Variants in ADPRHL1 observed in about 807,000 individuals in gnomAD.
ADPRHL1 encodes the protein inactive ADP-ribosyltransferase ARH2.
A neutral mutation model predicts 44.1 loss-of-function variants in ADPRHL1; 43 were observed. The observed-to-expected ratio is 0.98, with a 90% CI of 0.76 to 1.26. The LOEUF (loss-of-function observed/expected upper bound fraction) is 1.26. Ranked by LOEUF, ADPRHL1 falls within the 50% of genes most tolerant of loss-of-function variation. ADPRHL1 has a pLI of 0.00. For missense variants in ADPRHL1, 2,022 were observed against 2,496.9 expected (o/e 0.81, Z 4.05); for synonymous variants, 878 against 1,017.4 (o/e 0.86, Z 2.61).
intron 7 of ADPRHL1, among the ~76,000 whole-genome samples, chr13:113,408,865 A>AGGGGAGGAGGGGGGCTGCAGAGAGGC (rs71101586): frequency 1.5e-5 from 2 of 135,636 alleles, no homozygotes; most frequent in African/African-American, 2.7e-5. Flanking sequence ...TGCAGAGAGG[A>AGGGGAGGAGGGGGGCTGCAGAGAGGC]AGGGAGGAGG....
In ADPRHL1 at chr13:113,409,637, C is replaced by T. The variant is rs959198681; in HGVS notation, c.1062-1417G>A. The T allele has an allele frequency of 3.6e-5, 35 of 984,344 alleles. No homozygotes were observed. The highest frequency in any genetic ancestry group is 2.5e-4 in the Admixed American group (4 of 16,240). 61.0% of individuals were successfully genotyped at this position (984,344 alleles called of 1,614,324 possible). ...CCGTGGCTCACGCCTGTAATCTCAGCGTGATTTGGGAGGCCGAGGCTGGCA... is the reference window on the plus strand; with the variant it reads ...CCGTGGCTCACGCCTGTAATCTCAGTGTGATTTGGGAGGCCGAGGCTGGCA... On this transcript the variant is annotated intron_variant, in intron 7 of 7. Transcript: ENST00000612156. The surrounding 1 kb of genome is among the most constrained non-coding windows in gnomAD (Gnocchi z 4.2).
rs548071064 is a variant in ADPRHL1 at position 113,438,786 on chromosome 13, C to T, written c.380-4919G>A. ...TGATCCTCCTGGCTCAGTCTTCCAACGTGCTGGGATTATAGGTGTGAGCCA... is the reference window on the plus strand; with the variant it reads ...TGATCCTCCTGGCTCAGTCTTCCAATGTGCTGGGATTATAGGTGTGAGCCA... On this transcript the variant is annotated intron_variant, in intron 2 of 7. Coordinates refer to ENST00000612156, the MANE Select transcript of ADPRHL1 (RefSeq NM_001394807.1). 5.9e-5 allele frequency among the ~76,000 whole-genome samples: 9 copies of T among 152,220 alleles called. No individual in the cohort carries two copies. The East Asian group carries it at 1.6e-3, about 26-fold the overall frequency.
chr13:113,451,236 T>C (rs552170628), intron 1 of ADPRHL1, among the ~76,000 whole-genome samples: 1 of 152,340 alleles, frequency 6.6e-6, no homozygotes, highest in South Asian at 2.1e-4. Flanking sequence ...GAATAAAAAG[T>C]AATTGCTACA....
rs1354289041 is a variant in ADPRHL1 at position 113,441,558 on chromosome 13, G to A, written c.379+2867C>T. Among the ~76,000 whole-genome samples, 1 of 151,962 alleles carries A rather than the reference G, an allele frequency of 6.6e-6. No homozygotes were observed. The highest frequency in any genetic ancestry group is 1.5e-5 in the Non-Finnish European group (1 of 67,996). The stretch of plus-strand genomic sequence containing the variant: ...CCCTGCTAGCCTTCGTGCTATTGTT[G>A]TTGTACATTCTACTTATATTTTATA... On this transcript the variant is annotated intron_variant, in intron 2 of 7. Transcript: ENST00000612156. The surrounding 1 kb of genome is among the most constrained non-coding windows in gnomAD (Gnocchi z 6.0).
At chr13:113,425,512 C>T (rs1241721013) in intron 4 of ADPRHL1, among the ~76,000 whole-genome samples, 2 of 151,606 alleles carry the variant, frequency 1.3e-5, no homozygotes, top group Admixed American at 6.6e-5. Context: ...GCTGGGATTA[C>T]AGCTGCCCAC....
intron 7 of ADPRHL1, among the ~76,000 whole-genome samples, chr13:113,413,306 T>C (rs2043869553): frequency 6.6e-6 from 1 of 152,228 alleles, no homozygotes; most frequent in African/African-American, 2.4e-5. Flanking sequence ...GCTGCCTCCC[T>C]GACGAGCTCC....
intron 7 of ADPRHL1, among the ~76,000 whole-genome samples, chr13:113,408,516 C>T (rs946138609): frequency 6.6e-6 from 1 of 152,110 alleles, no homozygotes. Context: ...TTAGTGAAAG[C>T]GTTTGGAAAA....
At chr13:113,431,414 C>T (rs9549789) in intron 3 of ADPRHL1, among the ~76,000 whole-genome samples, 49,014 of 152,166 alleles carry the variant, frequency 0.32, 8,148 homozygotes, top group Middle Eastern at 0.44. Context: ...TCCCTTGGCC[C>T]GGCGGGAGGG....
At chr13:113,419,143 G>T in intron 7 of ADPRHL1, among the ~76,000 whole-genome samples, 3 of 43,252 alleles carry the variant, frequency 6.9e-5, no homozygotes, top group Non-Finnish European at 4.1e-5. Flanking sequence ...GTCTTACTGT[G>T]TTACCCAGTC....
intron 4 of ADPRHL1, among the ~76,000 whole-genome samples, chr13:113,427,795 C>A (rs1177613937): frequency 6.6e-6 from 1 of 152,258 alleles, no homozygotes; most frequent in Non-Finnish European, 1.5e-5. Flanking sequence ...CGGACGCTGA[C>A]TTTCTTGCTC....
chr13:113,410,219 C>T, intron 7 of ADPRHL1: 2 of 786,838 alleles, frequency 2.5e-6, no homozygotes, highest in Non-Finnish European at 3.1e-6. Context: ...GCCTCCCTCG[C>T]CCGGTTCAGT....
At chr13:113,416,047 G>A (rs577464920) in intron 7 of ADPRHL1, among the ~76,000 whole-genome samples, 18 of 151,924 alleles carry the variant, frequency 1.2e-4, no homozygotes, top group East Asian at 1.9e-4. Flanking sequence ...CCCAGGCGGC[G>A]GCAGAGCTGA....
At chr13:113,451,678 G>T (rs1408324696) in intron 1 of ADPRHL1, among the ~76,000 whole-genome samples, 2 of 152,060 alleles carry the variant, frequency 1.3e-5, no homozygotes. Flanking sequence ...CGTGGTGGTG[G>T]GCACCTGTAG....
intron 2 of ADPRHL1, among the ~76,000 whole-genome samples, chr13:113,438,080 C>T (rs1196619373): frequency 6.6e-6 from 1 of 152,126 alleles, no homozygotes; most frequent in Non-Finnish European, 1.5e-5. Flanking sequence ...ATCAGCCTGC[C>T]TTGGCCTCCC....
intron 1 of ADPRHL1, chr13:113,449,099 C>T (rs1261213350): frequency 1.4e-5 from 14 of 994,684 alleles, no homozygotes; most frequent in African/African-American, 7.0e-5. Flanking sequence ...TCTTGTAGAG[C>T]GCTAGACACG....
At chr13:113,435,225 A>G (rs35844762) in intron 2 of ADPRHL1, among the ~76,000 whole-genome samples, 176 of 12,112 alleles carry the variant, frequency 0.015, no homozygotes, top group Middle Eastern at 0.038. Flanking sequence ...CCCGGGACCC[A>G]GCACCCAGGT....
intron 1 of ADPRHL1, among the ~76,000 whole-genome samples, chr13:113,451,112 A>G (rs1156562764): frequency 6.6e-6 from 1 of 152,224 alleles, no homozygotes; most frequent in South Asian, 2.1e-4. Flanking sequence ...GCATAACAGA[A>G]GGCTCGCACT....
chr13:113,436,383 AG>A (rs1185541256), intron 2 of ADPRHL1, among the ~76,000 whole-genome samples: 1 of 52,858 alleles, frequency 1.9e-5, no homozygotes, highest in African/African-American at 7.4e-5. Flanking sequence ...GGGTGAACAT[AG>A]GTGTACCCCG....
Position 113,441,954 on chromosome 13 carries a change from T to C in ADPRHL1, c.379+2471A>G, listed in dbSNP as rs2044102244. 6.6e-6 allele frequency among the ~76,000 whole-genome samples: 1 copy of C among 152,360 alleles called. No homozygotes were observed. The highest frequency in any genetic ancestry group is 2.1e-4 in the South Asian group (1 of 4,830). ...TGGTCCGTGTCTCTGTCACGTTGTG[T>C]CCCGCCACGCGGCGTCCGCGTCTCT... On this transcript the variant is annotated intron_variant, in intron 2 of 7. Coordinates refer to ENST00000612156, the MANE Select transcript of ADPRHL1 (RefSeq NM_001394807.1). This position sits in a 1 kb window ranked among gnomAD's most constrained non-coding sequence, Gnocchi z 6.0.
Sources: allele counts gnomAD v4.1 joint callset (sites outside exome capture counted in the v4.1 genomes callset), GRCh38; gene constraint gnomAD v4.1.1; non-coding constraint Gnocchi (gnomAD v3.1); transcripts MANE v1.5; gene names NCBI Gene and HGNC (gene_info 2026-07-23, HGNC 2026-07-21).